Variants in CTNNA2 observed in about 807,000 individuals in gnomAD.
CTNNA2 encodes the protein catenin alpha-2.
A neutral mutation model predicts 101.0 loss-of-function variants in CTNNA2; 42 were observed. The observed-to-expected ratio is 0.42, with a 90% CI of 0.32 to 0.54. The LOEUF (loss-of-function observed/expected upper bound fraction) is 0.54, where lower values mean the gene tolerates loss of function less well. Among genes scored for constraint, CTNNA2 ranks in the 20% least tolerant of loss-of-function variants. The probability of loss-of-function intolerance (pLI) is 0.14; values close to 1 mark genes in which losing one functional copy is unlikely to be tolerated. For synonymous variants in CTNNA2, 450 were observed against 456.4 expected, an observed-to-expected ratio of 0.99 and a Z score of 0.18; for missense variants, 871 against 1,223.1, an observed-to-expected ratio of 0.71 and a Z score of 4.29.
At chr2:80,075,320 G>A (rs1174711184) in intron 7 of CTNNA2, among the ~76,000 whole-genome samples, 1 of 151,952 alleles carries the variant, frequency 6.6e-6, no homozygotes, top group African/African-American at 2.4e-5. Flanking sequence ...GTGGTCAAGA[G>A]GAGTTAGCTG....
At chr2:79,394,787 A>AT (rs5832387) in intron 4 of CTNNA2, among the ~76,000 whole-genome samples, 79,913 of 151,910 alleles carry the variant, frequency 0.53, 21,294 homozygotes, top group East Asian at 0.73. Flanking sequence ...ACTTAAAAAA[A>AT]TTTTTTTTGT....
At chr2:79,371,802 CTTTAG>C (rs1677877558) in intron 3 of CTNNA2, among the ~76,000 whole-genome samples, 1 of 152,082 alleles carries the variant, frequency 6.6e-6, no homozygotes, top group Admixed American at 6.5e-5. Flanking sequence ...GATTCTGATC[CTTTAG>C]TTTTCAATGA....
chr2:79,773,457 A>C (rs1673736735), intron 3 of CTNNA2, among the ~76,000 whole-genome samples: 1 of 152,086 alleles, frequency 6.6e-6, no homozygotes, highest in Admixed American at 6.5e-5. Context: ...CGAAGCAGGG[A>C]GGGGGCTTCT....
At chr2:80,634,889 A>G (rs1364154742) in intron 18 of CTNNA2, among the ~76,000 whole-genome samples, 61 of 152,282 alleles carry the variant, frequency 4.0e-4, no homozygotes. Context: ...CTGTGTTGCC[A>G]ATAACTGAGA....
chr2:80,163,349 G>A (rs1704456167), intron 7 of CTNNA2, among the ~76,000 whole-genome samples: 1 of 152,034 alleles, frequency 6.6e-6, no homozygotes. Flanking sequence ...TTTCTCTTGA[G>A]ATTTTCTCTT....
At chr2:80,300,279 GGGGTGTGTGTGTGTGTGT>G (rs1176263810) in intron 7 of CTNNA2, among the ~76,000 whole-genome samples, 3,537 of 128,054 alleles carry the variant, frequency 0.028, 108 homozygotes, top group Admixed American at 0.067. Context: ...CTGGGGTGTT[GGGGTGTGTGTGTGTGTGT>G]GTGTGTGTGT....
chr2:80,187,678 A>G (rs1378613845), intron 7 of CTNNA2, among the ~76,000 whole-genome samples: 4 of 152,224 alleles, frequency 2.6e-5, no homozygotes, highest in Admixed American at 2.6e-4. Context: ...AATTGGAACC[A>G]GCAACATCCG....
intron 3 of CTNNA2, among the ~76,000 whole-genome samples, chr2:79,344,871 T>C (rs1188474576): frequency 7.1e-6 from 1 of 140,698 alleles, no homozygotes; most frequent in African/African-American, 2.8e-5. Flanking sequence ...ATATTATATT[T>C]ATATATATAA....
intron 8 of CTNNA2, among the ~76,000 whole-genome samples, chr2:80,406,444 G>C (rs1439035673): frequency 6.6e-6 from 1 of 152,082 alleles, no homozygotes; most frequent in African/African-American, 2.4e-5. Flanking sequence ...AATGGACTCT[G>C]AGCAGACTTC....
rs749698785 is a variant in CTNNA2, at chr2:80,302,863, C to T, written c.1057-90348C>T. 2.5e-6 allele frequency: 4 copies of T among 1,614,042 alleles called. No homozygotes were observed. The highest frequency in any genetic ancestry group is 1.3e-5 in the African/African-American group (1 of 74,948). On this transcript the variant is annotated intron_variant, in intron 7 of 18. Transcript: ENST00000402739. The surrounding 1 kb of genome is among the most constrained non-coding windows in gnomAD (Gnocchi z 6.4). ...ACGAGGCTAGGGCACACACGTTGCG[C>T]CCGCAATCCCACAGGTTCCCGGCCA...
rs1491554356 is a variant in CTNNA2 at position 80,043,038 on chromosome 2, TCC to T, written c.1056+133242_1056+133243del. Among the ~76,000 whole-genome samples the T allele has an allele frequency of 4.4e-4, 22 of 50,286 alleles. 1 individual carries two copies. In the Admixed American group the frequency reaches 5.1e-3, roughly 12 times the overall value. 33.0% of individuals were successfully genotyped at this position (50,286 alleles called of 152,430 possible). The stretch of plus-strand genomic sequence containing the variant: ...CTTTCCCTTTCTTTCTTTCTTTCTT[TCC>T]TTCTTTCTTTCTTTCTTTCTTTCTT... On this transcript the variant is annotated intron_variant, in intron 7 of 18. Transcript: ENST00000402739.
chr2:79,925,349 T>C (rs995838591), intron 7 of CTNNA2, among the ~76,000 whole-genome samples: 4 of 152,144 alleles, frequency 2.6e-5, no homozygotes, highest in African/African-American at 9.7e-5. Context: ...TATTTTTATA[T>C]AAAGTGTATA....
At chr2:79,611,033 C>T (rs1395268557) in intron 1 of CTNNA2, among the ~76,000 whole-genome samples, 1 of 151,960 alleles carries the variant, frequency 6.6e-6, no homozygotes, top group African/African-American at 2.4e-5. Context: ...ACCATCTGTA[C>T]AAAAGTTTAT....
chr2:79,674,909 G>T (rs1158021603), intron 2 of CTNNA2, among the ~76,000 whole-genome samples: 2 of 152,104 alleles, frequency 1.3e-5, no homozygotes, highest in East Asian at 3.9e-4. Flanking sequence ...ATGAGCACAG[G>T]ATATATTTAT....
intron 3 of CTNNA2, among the ~76,000 whole-genome samples, chr2:79,313,188 C>A (rs1676423496): frequency 6.6e-6 from 1 of 152,104 alleles, no homozygotes; most frequent in South Asian, 2.1e-4. Flanking sequence ...AACAGACAGG[C>A]TTCATATGTG....
rs115731241 is a variant in CTNNA2, at chr2:79,316,309, T to C, written c.-318+3513T>C. Among the ~76,000 whole-genome samples the C allele has an allele frequency of 5.8e-3, 880 of 152,178 alleles. 9 individuals carry two copies. Among genetic ancestry groups the C allele is most frequent in the African/African-American group, 0.02 (850 of 41,554 alleles). The stretch of plus-strand genomic sequence containing the variant: ...CAGTTCTGTTTCAATGATCTTTGTG[T>C]CTCTTCTTATGCCTGTACCACACTA... On this transcript the variant is annotated intron_variant, in intron 3 of 21. Coordinates refer to the CTNNA2 transcript ENST00000466387.
At chr2:79,376,390 T>C (rs1677975022) in intron 4 of CTNNA2, among the ~76,000 whole-genome samples, 1 of 152,134 alleles carries the variant, frequency 6.6e-6, no homozygotes, top group South Asian at 2.1e-4. Context: ...CTCCTACCTG[T>C]ATTACTGAAT....
At chr2:79,262,256 G>A (rs1331406854) in intron 2 of CTNNA2, among the ~76,000 whole-genome samples, 1 of 152,144 alleles carries the variant, frequency 6.6e-6, no homozygotes, top group Non-Finnish European at 1.5e-5. Flanking sequence ...GAAAGGCATG[G>A]TTATGCCATG....
Position 79,536,574 on chromosome 2 carries a change from AGTGTGTGTGTGTGT to A in CTNNA2, c.-6+23382_-6+23395del, listed in dbSNP as rs61029469. Among the ~76,000 whole-genome samples the A allele has an allele frequency of 6.8e-5, 10 of 146,810 alleles. No homozygotes were observed. The East Asian group carries it at 1.0e-3, about 15-fold the overall frequency. On this transcript the variant is annotated intron_variant, in intron 1 of 18. Transcript: ENST00000402739. Reference sequence around the variant, plus strand: ...ATATACACCTAAATATCTCTAAAGAAGTGTGTGTGTGTGTGTGTGTGTGTGTGTTTGTGTTGAGG... The same window carrying A: ...ATATACACCTAAATATCTCTAAAGAAGTGTGTGTGTGTGTTTGTGTTGAGG...
Sources: gnomAD v4.1 joint callset for allele counts (sites outside exome capture counted in the v4.1 genomes callset) on GRCh38, gnomAD v4.1.1 for gene constraint, Gnocchi (gnomAD v3.1) non-coding constraint, MANE v1.5 for transcripts, NCBI Gene and HGNC (gene_info 2026-07-23, HGNC 2026-07-21) for gene names.